TLK1: variants seen among roughly 807,000 people sequenced by gnomAD.
TLK1 encodes the protein tousled like kinase 1.
A neutral mutation model predicts 105.3 loss-of-function variants in TLK1; 24 were observed. That is an observed-to-expected ratio of 0.23 (90% CI 0.17 to 0.32). The LOEUF (loss-of-function observed/expected upper bound fraction) is 0.32, where lower values mean the gene tolerates loss of function less well. Among genes scored for constraint, TLK1 ranks in the 10% least tolerant of loss-of-function variants. The pLI, the probability that TLK1 is intolerant of heterozygous loss-of-function variation, is 1.00. For synonymous variants in TLK1, 321 were observed against 310.4 expected (o/e 1.03, Z -0.36); for missense variants, 558 against 910.5 (o/e 0.61, Z 4.98).
At chr2:171,013,770 C>T (rs1259298261) in intron 13 of TLK1, among the ~76,000 whole-genome samples, 3 of 152,192 alleles carry the variant, frequency 2.0e-5, no homozygotes, top group African/African-American at 7.2e-5. Context: ...TGGCCACTTC[C>T]TATTCTGATA....
intron 1 of TLK1, among the ~76,000 whole-genome samples, chr2:171,144,239 T>C (rs577296589): frequency 6.7e-6 from 1 of 150,196 alleles, no homozygotes; most frequent in Admixed American, 6.7e-5. Context: ...GTTGGAAGAA[T>C]TAAATGGCCC....
At chr2:171,102,529 T>C (rs181848760) in intron 2 of TLK1, among the ~76,000 whole-genome samples, 7 of 152,300 alleles carry the variant, frequency 4.6e-5, no homozygotes, top group Non-Finnish European at 5.9e-5. Context: ...GTCTGGTAAG[T>C]AAATAAACAG....
At chr2:171,203,155 A>G (rs1360440519) in intron 1 of TLK1, among the ~76,000 whole-genome samples, 1 of 152,178 alleles carries the variant, frequency 6.6e-6, no homozygotes, top group Non-Finnish European at 1.5e-5. Context: ...TCTTGGTGAG[A>G]GCATAATTTT....
At chr2:171,073,876 C>CT (rs1558925577) in intron 3 of TLK1, among the ~76,000 whole-genome samples, 1 of 89,974 alleles carries the variant, frequency 1.1e-5, no homozygotes. Context: ...TAACATTCCC[C>CT]CCCCCCCTCC....
At chr2:171,185,451 A>G (rs1352856391) in intron 1 of TLK1, among the ~76,000 whole-genome samples, 1 of 152,250 alleles carries the variant, frequency 6.6e-6, no homozygotes, top group Admixed American at 6.5e-5. Flanking sequence ...GACACTGCCT[A>G]TCTCACCAGT....
At chr2:171,155,728 T>C (rs1170301599) in intron 1 of TLK1, 1 of 152,178 alleles carries the variant, frequency 6.6e-6, no homozygotes, top group Non-Finnish European at 1.5e-5. Flanking sequence ...CTTCTTTCCA[T>C]TGTTGTTAGC....
At chr2:171,170,031 C>T (rs1350068000) in intron 1 of TLK1, among the ~76,000 whole-genome samples, 1 of 152,052 alleles carries the variant, frequency 6.6e-6, no homozygotes, top group East Asian at 1.9e-4. Context: ...AGCATGCACA[C>T]ATGAAAAGAA....
intron 1 of TLK1, among the ~76,000 whole-genome samples, chr2:171,182,967 G>GAA (rs1451924184): frequency 2.0e-5 from 3 of 149,002 alleles, no homozygotes; most frequent in Admixed American, 1.3e-4. Flanking sequence ...AAGAAAGAAA[G>GAA]AACATTATTG....
At position 171,160,463 on chromosome 2, in the gene TLK1, C is replaced by G; in HGVS notation, c.-35G>C. 2 of 1,578,246 alleles carry G rather than the reference C, an allele frequency of 1.3e-6. No individual in the cohort carries two copies. Among genetic ancestry groups the G allele is most frequent in the Non-Finnish European group, 1.7e-6 (2 of 1,165,968 alleles). On this transcript the variant is annotated 5_prime_UTR_variant, in exon 1 of 21. Coordinates refer to ENST00000431350, the MANE Select transcript of TLK1 (RefSeq NM_012290.5). This position sits in a 1 kb window ranked among gnomAD's most constrained non-coding sequence, Gnocchi z 4.4. ...TTCTGGGAACCCGACTCCCCCCCTG[C>G]GACGGCAGCGGCGGCAACGGCACCG...
chr2:171,157,291 C>T (rs1692276538), intron 1 of TLK1, among the ~76,000 whole-genome samples: 1 of 152,144 alleles, frequency 6.6e-6, no homozygotes, highest in East Asian at 1.9e-4. Flanking sequence ...ACTTATCTAG[C>T]CAATATGACA....
At chr2:171,187,078 A>AAAAAAAAAAAG (rs1693042625) in intron 1 of TLK1, among the ~76,000 whole-genome samples, 2 of 127,320 alleles carry the variant, frequency 1.6e-5, no homozygotes, top group African/African-American at 7.2e-5. Flanking sequence ...AAAAAAAAAA[A>AAAAAAAAAAAG]AAAAAGAAAA....
chr2:171,179,075 CA>C (rs1303328647), intron 1 of TLK1, among the ~76,000 whole-genome samples: 6 of 152,170 alleles, frequency 3.9e-5, no homozygotes, highest in Admixed American at 1.3e-4. Flanking sequence ...CTTGTTACAC[CA>C]GAATGGACCT....
At position 171,115,170 on chromosome 2, in the gene TLK1, C is replaced by CTTTTTTTTTTTTTTTTTTTTTTTTTTTTT. The variant is rs373796060; in HGVS notation, c.258+2568_258+2569insAAAAAAAAAAAAAAAAAAAAAAAAAAAAA. Among the ~76,000 whole-genome samples the CTTTTTTTTTTTTTTTTTTTTTTTTTTTTT allele has an allele frequency of 5.2e-5, 7 of 135,770 alleles. 1 individual carries two copies. Among genetic ancestry groups the CTTTTTTTTTTTTTTTTTTTTTTTTTTTTT allele is most frequent in the Non-Finnish European group, 6.2e-5 (4 of 64,966 alleles). 89.1% of individuals were successfully genotyped at this position (135,770 alleles called of 152,430 possible). A position where few individuals can be genotyped will look rare whatever the true frequency, so the allele number is the denominator to read the frequency against. ...ATCTTGCTTCATCTTTTAAGAATTT[C>CTTTTTTTTTTTTTTTTTTTTTTTTTTTTT]TTTCTTTTTTTTTTTTTTGAGACTG... is the stretch of plus-strand genomic sequence containing the variant. On this transcript the variant is annotated intron_variant, in intron 2 of 20. Coordinates refer to ENST00000431350, the MANE Select transcript of TLK1 (RefSeq NM_012290.5).
intron 2 of TLK1, among the ~76,000 whole-genome samples, chr2:171,109,200 T>C (rs1228157184): frequency 6.6e-6 from 1 of 152,210 alleles, no homozygotes. Context: ...AGCTATTAGA[T>C]ATGAAATGTT....
At chr2:171,062,876 T>A (rs1295868898) in intron 3 of TLK1, among the ~76,000 whole-genome samples, 1 of 152,172 alleles carries the variant, frequency 6.6e-6, no homozygotes, top group Non-Finnish European at 1.5e-5. Context: ...CTTAAAGAAA[T>A]CCACCCTAAC....
intron 1 of TLK1, among the ~76,000 whole-genome samples, chr2:171,150,194 A>G (rs1691976749): frequency 6.6e-6 from 1 of 152,180 alleles, no homozygotes; most frequent in Non-Finnish European, 1.5e-5. Flanking sequence ...TGAGCTAAGT[A>G]CACGTATCCT....
chr2:171,057,783 T>TG (rs1488555671), intron 5 of TLK1, among the ~76,000 whole-genome samples: 3 of 152,076 alleles, frequency 2.0e-5, no homozygotes, highest in African/African-American at 7.2e-5. Context: ...TTATGCCTAG[T>TG]GTTCTATTAT....
chr2:171,119,155 T>C (rs1466978008), intron 1 of TLK1, among the ~76,000 whole-genome samples: 8 of 152,210 alleles, frequency 5.3e-5, no homozygotes. Flanking sequence ...AAGTCTACCT[T>C]AGCCTCAATT....
chr2:171,048,802 A>T (rs908995562), intron 10 of TLK1, among the ~76,000 whole-genome samples: 1 of 152,220 alleles, frequency 6.6e-6, no homozygotes, highest in Admixed American at 6.5e-5. Flanking sequence ...TGTGAAAGTA[A>T]GTTCTGCCTC....
Sources: allele counts gnomAD v4.1 joint callset (sites outside exome capture counted in the v4.1 genomes callset), GRCh38; gene constraint gnomAD v4.1.1; non-coding constraint Gnocchi (gnomAD v3.1); transcripts MANE v1.5; gene names NCBI Gene and HGNC (gene_info 2026-07-23, HGNC 2026-07-21).